Variants in COG1 observed in about 807,000 individuals in gnomAD.
COG1 encodes the protein component of oligomeric golgi complex 1.
In COG1, 61 loss-of-function variants were observed where a neutral mutation model predicts 102.2. That is an observed-to-expected ratio of 0.60 (90% confidence interval 0.49 to 0.74). The LOEUF is 0.74. Ranked by LOEUF, COG1 falls within the 30% of genes least tolerant of loss-of-function variation. The pLI is 0.00. For synonymous variants in COG1, 454 were observed against 493.6 expected (o/e 0.92, Z 1.06); for missense variants, 1,164 against 1,232.1 (o/e 0.94, Z 0.83).
intron 8 of COG1, 79 bp downstream of exon 8, chr17:73,203,225 A>AT (rs1568297589): frequency 6.5e-7 from 1 of 1,535,740 alleles, no homozygotes; most frequent in East Asian, 2.3e-5. Context: ...ATCATTCAAC[A>AT]TACAACTTCT....
At chr17:73,198,714 T>C (rs1425307019) in intron 4 of COG1, among the ~76,000 whole-genome samples, 1 of 152,246 alleles carries the variant, frequency 6.6e-6, no homozygotes, top group African/African-American at 2.4e-5. Context: ...CACACTGTTG[T>C]ACATCTGCAT....
At chr17:73,203,183 T>C in intron 8 of COG1, 37 bp downstream of exon 8, 1 of 1,611,756 alleles carries the variant, frequency 6.2e-7, no homozygotes, top group Non-Finnish European at 8.5e-7. Context: ...GGGAATAAAC[T>C]GCTCCGTGGA....
Position 73,196,550 on chromosome 17 carries a change from A to C in COG1, c.359A>C (p.Gln120Pro). The change falls in exon 2 of 14, where the codon CAG becomes CCG. Residue 120 changes from glutamine (Q) to proline (P), a missense_variant. Transcript: ENST00000299886. Reference sequence around the variant, plus strand: ...GAGAAGTTCTACAGCATGGCTGCCCAGATCAAGCTACTCTTAGAAATTCCG... The same window carrying C: ...GAGAAGTTCTACAGCATGGCTGCCCCGATCAAGCTACTCTTAGAAATTCCG... Reference protein sequence around the residue: ...SQEKFYSMAAQIKLLLEIPEK... With the variant: ...SQEKFYSMAAPIKLLLEIPEK... 6.2e-7 allele frequency: 1 copy of C among 1,614,230 alleles called. No individual in the cohort carries two copies. The highest frequency in any genetic ancestry group is 8.5e-7 in the Non-Finnish European group (1 of 1,180,038).
intron 1 of COG1, among the ~76,000 whole-genome samples, chr17:73,193,981 T>A (rs913430344): frequency 6.6e-6 from 1 of 151,102 alleles, no homozygotes; most frequent in Non-Finnish European, 1.5e-5. Flanking sequence ...GGCCAAGCCC[T>A]TACCTTTTAA....
chr17:73,202,927 TAC>T, intron 7 of COG1, 71 bp from the exon 8 acceptor site: 2 of 1,528,042 alleles, frequency 1.3e-6, no homozygotes, highest in Non-Finnish European at 1.8e-6. Context: ...TTCTCAGGAT[TAC>T]ACAGATTGTT....
chr17:73,195,694 C>G (rs920960662), intron 1 of COG1, among the ~76,000 whole-genome samples: 12 of 151,732 alleles, frequency 7.9e-5, no homozygotes, highest in Non-Finnish European at 1.8e-4. Flanking sequence ...CGGTGGATCA[C>G]TTGAGGTCAG....
chr17:73,193,148 G>A lies in COG1; in HGVS notation c.79G>A (p.Ala27Thr), dbSNP rs529636950. 7 of 1,609,980 alleles carry A rather than the reference G, an allele frequency of 4.3e-6. No individual in the cohort carries two copies. Among genetic ancestry groups the A allele is most frequent in the Non-Finnish European group, 5.1e-6 (6 of 1,178,856 alleles). ...DPAALFETHG[A>T]EEIRGLERQV... ...TGCGGCTCTTTTCGAGACGCATGGAGCGGAGGAGATCCGCGGGCTGGAGCG... is the reference window on the plus strand; with the variant it reads ...TGCGGCTCTTTTCGAGACGCATGGAACGGAGGAGATCCGCGGGCTGGAGCG... Residue 27 changes from alanine (A) to threonine (T), a missense_variant, in exon 1 of 14, where the codon GCG becomes ACG. Transcript: ENST00000299886.
rs779868610 is a variant in COG1 at position 73,201,675 on chromosome 17, A to G, written c.1848A>G (p.Arg616=). Residue 616 remains arginine, a synonymous_variant, in exon 7 of 14, where the codon AGA becomes AGG. Transcript: ENST00000299886. ...TGCACTCAGTTCTTTTCATGGCCAGACTCTGCCAGTCCCTGGGAGAGCTGT... is the reference window on the plus strand; with the variant it reads ...TGCACTCAGTTCTTTTCATGGCCAGGCTCTGCCAGTCCCTGGGAGAGCTGT... ...AKLHSVLFMA[R]LCQSLGELCP... 5.0e-6 allele frequency: 8 copies of G among 1,613,966 alleles called. No individual in the cohort carries two copies. The highest frequency in any genetic ancestry group is 5.9e-6 in the Non-Finnish European group (7 of 1,180,032).
At position 73,206,709 on chromosome 17, in the gene COG1, T is replaced by A; in HGVS notation, c.2621T>A (p.Val874Asp). ...TCTGCTCCACCTCTTGTCTGCCAGG[T>A]TCTGTTTGGATTGGTGACTGGTACA... is the stretch of plus-strand genomic sequence containing the variant. ...NLHRLVQRTS[V>D]LFGLVTGTEN... The change falls in exon 12 of 14, where the codon GTT becomes GAT. Residue 874 changes from valine to aspartate, a missense_variant and splice_region_variant. By Grantham distance (152) the Val-to-Asp change is radical (BLOSUM62 -3). Transcript: ENST00000299886. 1 of 1,607,980 alleles carries A rather than the reference T, an allele frequency of 6.2e-7. No individual in the cohort carries two copies. Among genetic ancestry groups the A allele is most frequent in the Non-Finnish European group, 8.5e-7 (1 of 1,176,388 alleles).
intron 9 of COG1, among the ~76,000 whole-genome samples, chr17:73,204,103 A>G (rs558142187): frequency 3.9e-4 from 59 of 152,194 alleles, no homozygotes; most frequent in Non-Finnish European, 7.3e-4. Flanking sequence ...CACGGCTGCA[A>G]TGAGCAGCTA....
intron 1 of COG1, among the ~76,000 whole-genome samples, chr17:73,194,733 G>T (rs2061318946): frequency 6.6e-6 from 1 of 152,138 alleles, no homozygotes; most frequent in Non-Finnish European, 1.5e-5. Context: ...CAAAGTGATG[G>T]GATTACAGGC....
In COG1 at chr17:73,201,125, G is replaced by GA; in HGVS notation, c.1298_1299insA (p.Phe434LeufsTer2). On this transcript the variant is annotated frameshift_variant, in exon 7 of 14. Coordinates refer to ENST00000299886, the MANE Select transcript of COG1 (RefSeq NM_018714.3). LOFTEE classifies it high-confidence loss of function. ...CTCTTTTAGACTCTGACAAAAGAAG[G>GA]CTTTGACTCCATCTCCAGTAGCTCC... The GA allele has an allele frequency of 6.2e-7, 1 of 1,614,120 alleles. No homozygotes were observed. Among genetic ancestry groups the GA allele is most frequent in the Non-Finnish European group, 8.5e-7 (1 of 1,180,020 alleles).
At chr17:73,200,100 C>A in intron 5 of COG1, 79 bp downstream of exon 5, 2 of 1,500,136 alleles carry the variant, frequency 1.3e-6, no homozygotes, top group Non-Finnish European at 1.8e-6. Flanking sequence ...CAAGGGTCAG[C>A]GAGGCATGTG....
chr17:73,205,584 G>C lies in COG1; in HGVS notation c.2414G>C (p.Arg805Pro). The C allele has an allele frequency of 6.2e-7, 1 of 1,614,144 alleles. No individual in the cohort carries two copies. Among genetic ancestry groups the C allele is most frequent in the Non-Finnish European group, 8.5e-7 (1 of 1,180,022 alleles). The change falls in exon 10 of 14, where the codon CGG becomes CCG. Residue 805 changes from arginine to proline, a missense_variant. Transcript: ENST00000299886. ...GGTGCATTTCCAGTCACCCAGAACC[G>C]GGCGCTGCAGCTGCTTTATGATCTG... is the stretch of plus-strand genomic sequence containing the variant. Reference protein sequence around the residue: ...KEGAFPVTQNRALQLLYDLRY... With the variant: ...KEGAFPVTQNPALQLLYDLRY...
At position 73,199,908 on chromosome 17, in the gene COG1, C is replaced by G; in HGVS notation, c.957C>G (p.Ser319Arg). The change falls in exon 5 of 14, where the codon AGC becomes AGG. Residue 319 changes from serine to arginine, a missense_variant. Coordinates refer to ENST00000299886, the MANE Select transcript of COG1 (RefSeq NM_018714.3). The stretch of plus-strand genomic sequence containing the variant: ...TGCAGGAAGAGATGAAACTCTGCAG[C>G]TGGTTTAAACACCTGCCAGCATCCA... ...GVLQEEMKLC[S>R]WFKHLPASIV... 2 of 1,614,224 alleles carry G rather than the reference C, an allele frequency of 1.2e-6. No homozygotes were observed.
rs1568297075 is a variant in COG1 at position 73,201,704 on chromosome 17, C to T, written c.1877C>T (p.Pro626Leu). The T allele has an allele frequency of 6.2e-7, 1 of 1,614,204 alleles. No homozygotes were observed. Among genetic ancestry groups the T allele is most frequent in the East Asian group, 2.2e-5 (1 of 44,888 alleles). ...RLCQSLGELC[P>L]HLKQCILGKS... is the part of the protein sequence containing the mutation. ...TGCCAGTCCCTGGGAGAGCTGTGCC[C>T]CCATCTGAAGCAGTGCATCCTGGGA... Residue 626 changes from proline to leucine, a missense_variant, in exon 7 of 14, where the codon CCC becomes CTC. Transcript: ENST00000299886.
intron 13 of COG1, 116 bp downstream of exon 13, chr17:73,207,372 ATGC>A (rs760892425): frequency 1.6e-5 from 16 of 979,458 alleles, no homozygotes; most frequent in Non-Finnish European, 2.4e-5. Context: ...AAATGCACTA[ATGC>A]TGCTTTTAAT....
chr17:73,193,425 C>A, intron 1 of COG1, 41 bp downstream of exon 1: 1 of 1,385,686 alleles, frequency 7.2e-7, no homozygotes, highest in Non-Finnish European at 9.3e-7. Context: ...GCAGGCGGGT[C>A]CCGGAGCCCC....
In COG1 at chr17:73,205,582, C is replaced by T. The variant is rs770925831; in HGVS notation, c.2412C>T (p.Asn804=). 14 of 1,614,082 alleles carry T rather than the reference C, an allele frequency of 8.7e-6. No homozygotes were observed. The South Asian group carries it at 1.2e-4, about 14-fold the overall frequency. ...AAGGTGCATTTCCAGTCACCCAGAACCGGGCGCTGCAGCTGCTTTATGATC... is the reference window on the plus strand; with the variant it reads ...AAGGTGCATTTCCAGTCACCCAGAATCGGGCGCTGCAGCTGCTTTATGATC... The part of the protein sequence containing the change: ...KKEGAFPVTQ[N]RALQLLYDLR... The change falls in exon 10 of 14, where the codon AAC becomes AAT. Residue 804 remains asparagine, a synonymous_variant. Transcript: ENST00000299886.
Sources: allele counts gnomAD v4.1 joint callset (sites outside exome capture counted in the v4.1 genomes callset), GRCh38; gene constraint gnomAD v4.1.1; transcripts MANE v1.5; gene names NCBI Gene and HGNC (gene_info 2026-07-23, HGNC 2026-07-21).